ERC2: variants seen among roughly 807,000 people sequenced by gnomAD.
ERC2 encodes the protein ERC protein 2.
A neutral mutation model predicts 114.8 loss-of-function variants in ERC2; 42 were observed. The ratio of observed to expected loss-of-function variants is 0.37; its 90% confidence interval spans 0.29 to 0.47. The LOEUF (loss-of-function observed/expected upper bound fraction) is 0.47, where lower values mean the gene tolerates loss of function less well. ERC2 is among the 20% of genes least tolerant of loss of function. The pLI, the probability that ERC2 is intolerant of heterozygous loss-of-function variation, is 0.99. For synonymous variants in ERC2, 454 were observed against 425.5 expected (o/e 1.07, Z -0.82); for missense variants, 939 against 1,150.7 (o/e 0.82, Z 2.66).
chr3:56,230,401 T>G (rs1026098664), intron 3 of ERC2, among the ~76,000 whole-genome samples: 1 of 152,144 alleles, frequency 6.6e-6, no homozygotes, highest in Non-Finnish European at 1.5e-5. Flanking sequence ...ACTGCATCCA[T>G]GTATCACCCA....
intron 14 of ERC2, among the ~76,000 whole-genome samples, chr3:55,858,745 G>C (rs2061895453): frequency 6.6e-6 from 1 of 152,186 alleles, no homozygotes; most frequent in African/African-American, 2.4e-5. Context: ...CTTTACAGCA[G>C]GCGCATCACA....
At chr3:55,914,214 C>A (rs2064969366) in intron 13 of ERC2, among the ~76,000 whole-genome samples, 1 of 152,094 alleles carries the variant, frequency 6.6e-6, no homozygotes, top group African/African-American at 2.4e-5. Flanking sequence ...AATTAGTCAA[C>A]AACTGAGGTT....
At chr3:56,222,802 G>A (rs2050002487) in intron 3 of ERC2, among the ~76,000 whole-genome samples, 2 of 152,128 alleles carry the variant, frequency 1.3e-5, no homozygotes, top group South Asian at 2.1e-4. Flanking sequence ...TGTTTCTATG[G>A]GTCACAAAAC....
chr3:55,831,039 G>C (rs2060545099), intron 14 of ERC2, among the ~76,000 whole-genome samples: 1 of 151,110 alleles, frequency 6.6e-6, no homozygotes, highest in Admixed American at 6.6e-5. Context: ...AGCTGCAGTG[G>C]TTCACACTTG....
At chr3:56,242,057 A>G (rs1462091245) in intron 3 of ERC2, among the ~76,000 whole-genome samples, 3 of 152,174 alleles carry the variant, frequency 2.0e-5, no homozygotes, top group African/African-American at 4.8e-5. Flanking sequence ...CAATTGCAAA[A>G]ATATGGAACC....
intron 15 of ERC2, among the ~76,000 whole-genome samples, chr3:55,708,744 A>C (rs540522257): frequency 1.2e-3 from 177 of 152,218 alleles, no homozygotes; most frequent in Middle Eastern, 3.4e-3. Context: ...GACAAAAATA[A>C]ATAAATAAAT....
intron 2 of ERC2, among the ~76,000 whole-genome samples, chr3:56,334,707 T>C (rs905723947): frequency 6.6e-6 from 1 of 152,186 alleles, no homozygotes; most frequent in Non-Finnish European, 1.5e-5. Context: ...GCCAAGGTGA[T>C]TGATACTGAT....
At chr3:55,550,652 C>T (rs1401828382) in intron 17 of ERC2, among the ~76,000 whole-genome samples, 1 of 152,120 alleles carries the variant, frequency 6.6e-6, no homozygotes, top group Non-Finnish European at 1.5e-5. Flanking sequence ...CAAGGTCACA[C>T]AGCTAGTAAG....
At chr3:56,021,835 T>C (rs1401570112) in intron 7 of ERC2, among the ~76,000 whole-genome samples, 2 of 152,232 alleles carry the variant, frequency 1.3e-5, no homozygotes, top group Non-Finnish European at 2.9e-5. Context: ...TGGTTTTCCG[T>C]TTCTGCGTTA....
intron 7 of ERC2, among the ~76,000 whole-genome samples, chr3:56,032,740 T>C (rs1403258136): frequency 6.6e-6 from 1 of 151,610 alleles, no homozygotes; most frequent in East Asian, 1.9e-4. Flanking sequence ...GGCACATTCC[T>C]GTACTACCAG....
intron 4 of ERC2, among the ~76,000 whole-genome samples, chr3:56,169,650 T>C (rs2082524712): frequency 6.6e-6 from 1 of 152,194 alleles, no homozygotes. Context: ...CCTGAAGCAA[T>C]ACCCCTGTTT....
intron 10 of ERC2, among the ~76,000 whole-genome samples, chr3:55,997,918 GT>G (rs2071703894): frequency 5.5e-5 from 1 of 18,338 alleles, no homozygotes; most frequent in Non-Finnish European, 1.0e-4. Flanking sequence ...GTGTGTGTGT[GT>G]GTGTTTTTTG....
intron 15 of ERC2, among the ~76,000 whole-genome samples, chr3:55,728,039 T>A (rs1160684681): frequency 6.6e-6 from 1 of 152,144 alleles, no homozygotes; most frequent in African/African-American, 2.4e-5. Context: ...AGGCTAAGTC[T>A]TACCTACAGG....
At chr3:55,953,268 G>A (rs1014662517) in intron 12 of ERC2, among the ~76,000 whole-genome samples, 1 of 151,734 alleles carries the variant, frequency 6.6e-6, no homozygotes, top group African/African-American at 2.4e-5. Context: ...ACATTATGAT[G>A]GAGGCCTATC....
intron 13 of ERC2, among the ~76,000 whole-genome samples, chr3:55,939,659 G>A (rs1234863570): frequency 6.6e-6 from 1 of 152,162 alleles, no homozygotes; most frequent in African/African-American, 2.4e-5. Flanking sequence ...AGTCAAATTA[G>A]TCTCTATTCT....
intron 1 of ERC2, among the ~76,000 whole-genome samples, chr3:56,465,886 C>T (rs374501903): frequency 3.3e-5 from 5 of 152,244 alleles, no homozygotes; most frequent in African/African-American, 9.6e-5. Context: ...GTTAGCTCTA[C>T]GTATGCTGGG....
intron 17 of ERC2, among the ~76,000 whole-genome samples, chr3:55,637,333 G>T (rs1460503065): frequency 6.6e-6 from 1 of 152,184 alleles, no homozygotes; most frequent in Non-Finnish European, 1.5e-5. Context: ...ATATGGAAAG[G>T]CATGAACCAG....
intron 12 of ERC2, among the ~76,000 whole-genome samples, chr3:55,980,432 T>G (rs112050242): frequency 1.3e-3 from 205 of 152,316 alleles, no homozygotes; most frequent in African/African-American, 4.8e-3. Context: ...CCAAGCACCT[T>G]CACCCAATAT....
At chr3:55,838,946 T>C (rs549664651) in intron 14 of ERC2, among the ~76,000 whole-genome samples, 1 of 151,742 alleles carries the variant, frequency 6.6e-6, no homozygotes, top group Non-Finnish European at 1.5e-5. Flanking sequence ...GAAGGTACCA[T>C]AAAATGGCAG....
Sources: allele counts gnomAD v4.1 joint callset (sites outside exome capture counted in the v4.1 genomes callset), GRCh38; gene constraint gnomAD v4.1.1; transcripts MANE v1.5; gene names NCBI Gene and HGNC (gene_info 2026-07-23, HGNC 2026-07-21).